The following RBFOX1 variants were observed in gnomAD, a reference collection of about 807,000 sequenced individuals.
RBFOX1 encodes RNA binding protein fox-1 homolog 1.
In RBFOX1, 8 loss-of-function variants were observed where a neutral mutation model predicts 57.7. That is an observed-to-expected ratio of 0.14 (90% CI 0.08 to 0.25). RBFOX1 has a LOEUF of 0.25. Among genes scored for constraint, RBFOX1 ranks in the 10% least tolerant of loss-of-function variants. RBFOX1 has a pLI of 1.00. For missense variants in RBFOX1, 611 were observed against 548.5 expected (o/e 1.11, Z -1.14); for synonymous variants, 326 against 222.4 (o/e 1.47, Z -4.15).
intron 3 of RBFOX1, among the ~76,000 whole-genome samples, chr16:5,846,888 C>G (rs1175189484): frequency 3.3e-5 from 5 of 152,144 alleles, no homozygotes. Flanking sequence ...TGCAAACAGC[C>G]CAGCCATGCA....
chr16:5,533,517 G>C (rs566591751), intron 2 of RBFOX1, among the ~76,000 whole-genome samples: 1 of 152,144 alleles, frequency 6.6e-6, no homozygotes, highest in Admixed American at 6.5e-5. Flanking sequence ...TTACAGAGAT[G>C]CAAGGAACAT....
chr16:7,258,578 T>G (rs570854259), intron 4 of RBFOX1, among the ~76,000 whole-genome samples: 58 of 151,902 alleles, frequency 3.8e-4, no homozygotes, highest in African/African-American at 1.4e-3. Flanking sequence ...AATTTACTCA[T>G]AAGTATGAGA....
intron 1 of RBFOX1, among the ~76,000 whole-genome samples, chr16:5,322,771 TAGA>T (rs2064448273): frequency 6.6e-6 from 1 of 152,170 alleles, no homozygotes; most frequent in Admixed American, 6.5e-5. Flanking sequence ...ATGTGAAAAA[TAGA>T]AGGTTTCAGT....
At chr16:5,839,534 G>C (rs1286862081) in intron 3 of RBFOX1, among the ~76,000 whole-genome samples, 1 of 152,146 alleles carries the variant, frequency 6.6e-6, no homozygotes, top group Non-Finnish European at 1.5e-5. Context: ...AACCTGAAGT[G>C]CTCTGAACTG....
chr16:6,766,952 G>A (rs757838747), intron 3 of RBFOX1, among the ~76,000 whole-genome samples: 1 of 152,102 alleles, frequency 6.6e-6, no homozygotes, highest in African/African-American at 2.4e-5. Flanking sequence ...ACTAGCCCTT[G>A]GTAAGTCGGG....
intron 3 of RBFOX1, among the ~76,000 whole-genome samples, chr16:6,921,448 G>C (rs1195683525): frequency 6.6e-6 from 1 of 152,022 alleles, no homozygotes. Context: ...GAGATTGGTG[G>C]ATTCTTGCTG....
chr16:5,853,418 C>A (rs2056945721), intron 3 of RBFOX1, among the ~76,000 whole-genome samples: 1 of 152,210 alleles, frequency 6.6e-6, no homozygotes, highest in African/African-American at 2.4e-5. Context: ...GACCTGCCCC[C>A]ATGTTCCCTG....
rs576192702 is a variant in RBFOX1, at chr16:7,088,935, T to A, written c.27+36837T>A. Among the ~76,000 whole-genome samples the A allele has an allele frequency of 2.6e-5, 4 of 152,318 alleles. No homozygotes were observed. The South Asian group carries it at 8.3e-4, about 32-fold the overall frequency. On this transcript the variant is annotated intron_variant, in intron 4 of 15. Transcript: ENST00000550418. ...TTATCCGCTTCCCTCCAGTCCCTGC[T>A]CTGGTTCAACTCAGATCTATGAACT... is the stretch of plus-strand genomic sequence containing the variant.
intron 2 of RBFOX1, among the ~76,000 whole-genome samples, chr16:5,520,174 G>A (rs2043956483): frequency 6.6e-6 from 1 of 152,246 alleles, no homozygotes; most frequent in Non-Finnish European, 1.5e-5. Flanking sequence ...ATTGTGGCTG[G>A]AGAGAGATGA....
intron 1 of RBFOX1, among the ~76,000 whole-genome samples, chr16:5,453,756 T>G (rs2068498886): frequency 6.6e-6 from 1 of 152,224 alleles, no homozygotes; most frequent in Non-Finnish European, 1.5e-5. Context: ...TCAGCTTTAC[T>G]CTAAGCAATG....
chr16:5,657,486 C>T lies in RBFOX1; in HGVS notation c.318+58525C>T, dbSNP rs79759275. Among the ~76,000 whole-genome samples the T allele has an allele frequency of 5.6e-3, 846 of 152,128 alleles. 5 individuals are homozygous for T. Among genetic ancestry groups the T allele is most frequent in the African/African-American group, 0.02 (813 of 41,524 alleles). ...AATAAGAATGCAAGGCCTGACAGCC[C>T]GACTCTAGGGTTTAAAGTATTGAGC... On this transcript the variant is annotated intron_variant, in intron 3 of 19. Coordinates refer to the RBFOX1 transcript ENST00000641259.
chr16:7,344,950 C>G (rs753556136), intron 4 of RBFOX1, among the ~76,000 whole-genome samples: 8 of 152,236 alleles, frequency 5.3e-5, no homozygotes, highest in East Asian at 1.9e-4. Context: ...CCCCCACTGT[C>G]TCACAGCGGG....
chr16:5,741,133 G>A (rs1219041809), intron 3 of RBFOX1, among the ~76,000 whole-genome samples: 1 of 152,188 alleles, frequency 6.6e-6, no homozygotes, highest in Non-Finnish European at 1.5e-5. Flanking sequence ...TAGTGGTCCA[G>A]TGTCATCTAT....
chr16:7,712,013 T>G lies in RBFOX1; in HGVS notation c.*1268T>G, dbSNP rs1377641984. Reference sequence around the variant, plus strand: ...TTCTGTCTCCAAGGCCCAGGACACTTGTCAGAAGGATGCAAAAAAAGAAAA... The same window carrying G: ...TTCTGTCTCCAAGGCCCAGGACACTGGTCAGAAGGATGCAAAAAAAGAAAA... On this transcript the variant is annotated 3_prime_UTR_variant, in exon 16 of 16. Coordinates refer to ENST00000550418, the MANE Select transcript of RBFOX1 (RefSeq NM_018723.4). 6.6e-6 allele frequency: 1 copy of G among 152,388 alleles called. No homozygotes were observed. The highest frequency in any genetic ancestry group is 1.5e-5 in the Non-Finnish European group (1 of 68,034). 9.4% of individuals were successfully genotyped at this position (152,388 alleles called of 1,614,324 possible).
In RBFOX1 at chr16:7,436,563, T is replaced by G. The variant is rs529989362; in HGVS notation, c.28-81584T>G. 2.0e-5 allele frequency among the ~76,000 whole-genome samples: 3 copies of G among 152,330 alleles called. No individual in the cohort carries two copies. The South Asian group carries it at 6.2e-4, about 32-fold the overall frequency. ...GGGGGCAGGCATAAGTAGTCCCATT[T>G]TAAAGATGCATAAACTGAGGCTCCA... On this transcript the variant is annotated intron_variant, in intron 4 of 15. Coordinates refer to ENST00000550418, the MANE Select transcript of RBFOX1 (RefSeq NM_018723.4).
intron 2 of RBFOX1, among the ~76,000 whole-genome samples, chr16:6,356,425 G>T (rs994865452): frequency 6.6e-6 from 1 of 152,146 alleles, no homozygotes; most frequent in African/African-American, 2.4e-5. Context: ...GCAACAGAGC[G>T]AGAACTTGTC....
chr16:5,321,820 G>C (rs574379101), intron 1 of RBFOX1, among the ~76,000 whole-genome samples: 12 of 152,286 alleles, frequency 7.9e-5, no homozygotes, highest in Non-Finnish European at 1.8e-4. Context: ...ATGACGACCA[G>C]AGTCTGGGGA....
At chr16:6,575,492 T>G (rs538695030) in intron 2 of RBFOX1, among the ~76,000 whole-genome samples, 2 of 152,256 alleles carry the variant, frequency 1.3e-5, no homozygotes, top group Non-Finnish European at 2.9e-5. Flanking sequence ...TCACTGATCT[T>G]CTAAATAAAG....
intron 4 of RBFOX1, among the ~76,000 whole-genome samples, chr16:7,509,751 A>C (rs1366958971): frequency 1.3e-5 from 2 of 152,008 alleles, no homozygotes; most frequent in African/African-American, 2.4e-5. Flanking sequence ...ATCTCTTTAA[A>C]CTTTTTTCAT....
Sources: allele counts gnomAD v4.1 joint callset (sites outside exome capture counted in the v4.1 genomes callset), GRCh38; gene constraint gnomAD v4.1.1; transcripts MANE v1.5; gene names NCBI Gene and HGNC (gene_info 2026-07-23, HGNC 2026-07-21).